The following TMEM220 variants were observed in gnomAD, a reference collection of about 807,000 sequenced individuals.
TMEM220 encodes the protein transmembrane protein 220.
TMEM220 carries 21 observed loss-of-function variants against 21.7 expected under a neutral mutation model. That is an observed-to-expected ratio of 0.97 (90% CI 0.69 to 1.39). The LOEUF (loss-of-function observed/expected upper bound fraction) is 1.39. Ranked by LOEUF, TMEM220 falls within the 40% of genes most tolerant of loss-of-function variation. TMEM220 has a pLI of 0.00. For synonymous variants in TMEM220, 80 were observed against 73.6 expected (o/e 1.09, Z -0.45); for missense variants, 191 against 201.9 (o/e 0.95, Z 0.33).
chr17:10,716,779 G>A (rs9674970), intron 5 of TMEM220, among the ~76,000 whole-genome samples: 525 of 152,178 alleles, frequency 3.4e-3, no homozygotes, highest in African/African-American at 0.012. Context: ...GTATAGATCC[G>A]TTTCTAAATT....
chr17:10,727,385 C>G (rs1178206371), intron 2 of TMEM220, among the ~76,000 whole-genome samples: 4 of 152,006 alleles, frequency 2.6e-5, no homozygotes, highest in African/African-American at 4.8e-5. Context: ...GACTGAGATT[C>G]TGAACAAGAA....
At position 10,714,135 on chromosome 17, in the gene TMEM220, ATT is replaced by A. The variant is rs1363258636; in HGVS notation, c.*1316_*1317del. The A allele has an allele frequency of 6.6e-6, 1 of 152,200 alleles. No homozygotes were observed. The highest frequency in any genetic ancestry group is 1.5e-5 in the Non-Finnish European group (1 of 68,032). 9.4% of individuals were successfully genotyped at this position (152,200 alleles called of 1,614,324 possible). On this transcript the variant is annotated 3_prime_UTR_variant, in exon 6 of 6. Transcript: ENST00000341871. Reference sequence around the variant, plus strand: ...ATATTTAACCCATTATAGCCAAAATATTGTTTCAACATGTAATCAATACAAAA... The same window carrying A: ...ATATTTAACCCATTATAGCCAAAATAGTTTCAACATGTAATCAATACAAAA...
chr17:10,729,837 C>T lies in TMEM220; in HGVS notation c.15G>A (p.Leu5=). 7.2e-7 allele frequency: 1 copy of T among 1,397,130 alleles called. No individual in the cohort carries two copies. The highest frequency in any genetic ancestry group is 9.4e-7 in the Non-Finnish European group (1 of 1,067,292). 86.5% of individuals were successfully genotyped at this position (1,397,130 alleles called of 1,614,324 possible). The change falls in exon 1 of 6, where the codon CTG becomes CTA. Residue 5 remains leucine, a synonymous_variant. Coordinates refer to ENST00000341871, the MANE Select transcript of TMEM220 (RefSeq NM_001004313.3). The stretch of plus-strand genomic sequence containing the variant: ...CCATGAGTCCGTTGCAGGCCCGCCA[C>T]AGCGCTGGCGCCATGGCTCGGAGAA... MAPA[L]WRACNGLMAA...
rs140296443 is a variant in TMEM220, at chr17:10,715,490, C to A, written c.446G>T (p.Arg149Leu). 6.3e-7 allele frequency: 1 copy of A among 1,599,216 alleles called. No homozygotes were observed. The highest frequency in any genetic ancestry group is 1.8e-5 in the Admixed American group (1 of 55,408). ...WVYIYINKEM[R>L]SSWPTHCKTV... is the part of the protein sequence containing the mutation. ...CTTGCAGTGAGTTGGCCAAGAGGACCGCATTTCCTTGTTAATATATATGTA... is the reference window on the plus strand; with the variant it reads ...CTTGCAGTGAGTTGGCCAAGAGGACAGCATTTCCTTGTTAATATATATGTA... The change falls in exon 6 of 6, where the codon CGG (arginine) becomes CTG (leucine). Residue 149 changes from arginine to leucine, a missense_variant. Transcript: ENST00000341871.
intron 2 of TMEM220, among the ~76,000 whole-genome samples, chr17:10,727,464 G>C (rs1414582631): frequency 6.6e-6 from 1 of 152,224 alleles, no homozygotes; most frequent in East Asian, 1.9e-4. Flanking sequence ...TGGAGGGAAA[G>C]ATGCTAGGTA....
intron 3 of TMEM220, 77 bp downstream of exon 3, chr17:10,726,127 G>A (rs756714575): frequency 4.6e-4 from 553 of 1,198,446 alleles, no homozygotes; most frequent in Non-Finnish European, 6.2e-4. Flanking sequence ...TTACTCCTGG[G>A]AGTTGGGCAG....
chr17:10,729,727 AG>A, intron 1 of TMEM220, 52 bp downstream of exon 1: 5 of 1,304,234 alleles, frequency 3.8e-6, no homozygotes, highest in South Asian at 2.0e-5. Context: ...CCGCTAGGCC[AG>A]GGGGCGGAGC....
intron 2 of TMEM220, among the ~76,000 whole-genome samples, chr17:10,728,207 G>C (rs1390359255): frequency 6.7e-6 from 1 of 149,954 alleles, no homozygotes; most frequent in Non-Finnish European, 1.5e-5. Flanking sequence ...TGGAACAATG[G>C]CCCCCTCCTC....
intron 4 of TMEM220, among the ~76,000 whole-genome samples, chr17:10,723,997 G>A (rs2075021499): frequency 6.6e-6 from 1 of 152,156 alleles, no homozygotes; most frequent in Non-Finnish European, 1.5e-5. Context: ...AACCCATTTG[G>A]TCTACATTCT....
chr17:10,723,481 G>A (rs2075016333), intron 4 of TMEM220, 152 bp from the exon 5 acceptor site: 2 of 641,920 alleles, frequency 3.1e-6, no homozygotes, highest in Admixed American at 5.0e-5. Flanking sequence ...TTTCAAATCT[G>A]ACCATGATTC....
intron 5 of TMEM220, 69 bp downstream of exon 5, chr17:10,723,201 G>A: frequency 7.5e-7 from 1 of 1,341,302 alleles, no homozygotes; most frequent in Non-Finnish European, 1.1e-6. Flanking sequence ...GGATGGTCTT[G>A]ATCTCCTGAC....
chr17:10,717,954 A>G (rs561317905), intron 5 of TMEM220, among the ~76,000 whole-genome samples: 518 of 151,838 alleles, frequency 3.4e-3, no homozygotes, highest in African/African-American at 0.012. Context: ...CCGAGTAGCC[A>G]GGATTACAGG....
At chr17:10,723,758 C>T (rs1347680528) in intron 4 of TMEM220, among the ~76,000 whole-genome samples, 1 of 124,224 alleles carries the variant, frequency 8.0e-6, no homozygotes, top group Non-Finnish European at 1.7e-5. Flanking sequence ...CAAACCAATA[C>T]ATGATCTGTG....
At position 10,715,438 on chromosome 17, in the gene TMEM220, A is replaced by G; in HGVS notation, c.*15T>C. ...TTGAAAATATTCATTTTAAAAACGAAGTTCTTGAATTTATTTAAATTACTG... is the reference window on the plus strand; with the variant it reads ...TTGAAAATATTCATTTTAAAAACGAGGTTCTTGAATTTATTTAAATTACTG... On this transcript the variant is annotated 3_prime_UTR_variant, in exon 6 of 6. Coordinates refer to ENST00000341871, the MANE Select transcript of TMEM220 (RefSeq NM_001004313.3). The G allele has an allele frequency of 6.4e-7, 1 of 1,574,724 alleles. No individual in the cohort carries two copies. The highest frequency in any genetic ancestry group is 1.2e-5 in the South Asian group (1 of 82,148).
rs990651897 is a variant in TMEM220 at position 10,714,146 on chromosome 17, A to T, written c.*1307T>A. 2.6e-5 allele frequency: 4 copies of T among 152,236 alleles called. No individual in the cohort carries two copies. The highest frequency in any genetic ancestry group is 4.4e-5 in the Non-Finnish European group (3 of 68,032). 9.4% of individuals were successfully genotyped at this position (152,236 alleles called of 1,614,324 possible). On this transcript the variant is annotated 3_prime_UTR_variant, in exon 6 of 6. Transcript: ENST00000341871. ...ATTATAGCCAAAATATTGTTTCAACATGTAATCAATACAAAAAATATTTTC... is the reference window on the plus strand; with the variant it reads ...ATTATAGCCAAAATATTGTTTCAACTTGTAATCAATACAAAAAATATTTTC...
In TMEM220 at chr17:10,714,242, A is replaced by G. The variant is rs2074880956; in HGVS notation, c.*1211T>C. 6.6e-6 allele frequency: 1 copy of G among 152,156 alleles called. No homozygotes were observed. The highest frequency in any genetic ancestry group is 6.5e-5 in the Admixed American group (1 of 15,270). 9.4% of individuals were successfully genotyped at this position (152,156 alleles called of 1,614,324 possible). On this transcript the variant is annotated 3_prime_UTR_variant, in exon 6 of 6. Coordinates refer to ENST00000341871, the MANE Select transcript of TMEM220 (RefSeq NM_001004313.3). ...TATAGCCCCACTCATTTGGACACTA[A>G]ATTTTCATTGGAAATACTTTATCTG...
intron 5 of TMEM220, among the ~76,000 whole-genome samples, chr17:10,718,279 A>G (rs980743776): frequency 2.6e-5 from 4 of 152,130 alleles, no homozygotes; most frequent in Admixed American, 6.5e-5. Context: ...GATTTTTACA[A>G]TAGTTATTAT....
chr17:10,721,882 T>C (rs1257106482), intron 5 of TMEM220, among the ~76,000 whole-genome samples: 2 of 152,154 alleles, frequency 1.3e-5, no homozygotes, highest in Non-Finnish European at 2.9e-5. Flanking sequence ...TGCAATATTG[T>C]ATTTCATTTG....
At chr17:10,711,178 T>C, downstream of TMEM220, 1 of 1,535,670 alleles carries the variant, frequency 6.5e-7, no homozygotes, top group Non-Finnish European at 8.8e-7. Context: ...AAAATGAGCT[T>C]TGTGTTTGTC....
Sources: allele counts gnomAD v4.1 joint callset (sites outside exome capture counted in the v4.1 genomes callset), GRCh38; gene constraint gnomAD v4.1.1; transcripts MANE v1.5; gene names NCBI Gene and HGNC (gene_info 2026-07-23, HGNC 2026-07-21).